TRIM74: variants seen among roughly 807,000 people sequenced by gnomAD.
TRIM74 encodes the protein tripartite motif containing 74, also known as tripartite motif-containing protein 74.
In TRIM74, 3 loss-of-function variants were observed where a neutral mutation model predicts 14.5. The observed-to-expected ratio is 0.21, with a 90% CI of 0.09 to 0.53. The LOEUF is 0.53. TRIM74 is among the 20% of genes least tolerant of loss of function. The pLI is 0.95. For missense variants in TRIM74, 26 were observed against 174.0 expected (o/e 0.15, Z 4.79); for synonymous variants, 10 against 71.3 (o/e 0.14, Z 4.33).
chr7:72,966,346 CAA>C (rs1798271575), intron 1 of TRIM74, among the ~76,000 whole-genome samples, 171 bp from the exon 2 acceptor site: 2 of 136,164 alleles, frequency 1.5e-5, no homozygotes, highest in South Asian at 4.5e-4. Context: ...AGCTGTAAAA[CAA>C]AAGACTGCAG....
downstream of TRIM74, among the ~76,000 whole-genome samples, chr7:72,956,074 G>A (rs1798089513): frequency 7.4e-6 from 1 of 134,766 alleles, no homozygotes; most frequent in South Asian, 2.5e-4. Flanking sequence ...CTGGCCAGGT[G>A]CGGTGGCTCA....
intron 1 of TRIM74, among the ~76,000 whole-genome samples, chr7:72,966,626 A>G (rs1478606710): frequency 2.5e-5 from 2 of 78,598 alleles, no homozygotes; most frequent in East Asian, 5.9e-4. Flanking sequence ...TAGAGATTCT[A>G]GAGGCCCACC....
At chr7:72,966,482 A>G (rs1423942474) in intron 1 of TRIM74, among the ~76,000 whole-genome samples, 1 of 123,894 alleles carries the variant, frequency 8.1e-6, no homozygotes, top group East Asian at 2.2e-4. Flanking sequence ...GGTCATTTGC[A>G]GTGACACTAA....
rs1306834410 is a variant in TRIM74 at position 72,962,680 on chromosome 7, C to CA, written c.400-1236dup. 6.7e-3 allele frequency among the ~76,000 whole-genome samples: 337 copies of CA among 50,030 alleles called. 3 individuals carry two copies. Among genetic ancestry groups the CA allele is most frequent in the African/African-American group, 0.013 (163 of 12,296 alleles). 32.8% of individuals were successfully genotyped at this position (50,030 alleles called of 152,430 possible). On this transcript the variant is annotated intron_variant, in intron 2 of 4. Transcript: ENST00000285805. ...TGGGCGACAGAGCGAGACTCCGTCT[C>CA]AAAAAAAAAAAAAAAAAAAGAGAAT... is the stretch of plus-strand genomic sequence containing the variant.
Position 72,969,403 on chromosome 7 carries a change from TCATGCCCCGCACGCTCTGGTTA to T in TRIM74, c.-159_-138del. Reference sequence around the variant, plus strand: ...CCTAACCCCCCATGTCCGTGCCCCATCATGCCCCGCACGCTCTGGTTACATGCCCCGCCTGGCGCTCCCGCAC... The same window carrying T: ...CCTAACCCCCCATGTCCGTGCCCCATCATGCCCCGCCTGGCGCTCCCGCAC... On this transcript the variant is annotated 5_prime_UTR_variant, in exon 1 of 5. The change abolishes an upstream ATG in the 5' untranslated region. Coordinates refer to ENST00000285805, the MANE Select transcript of TRIM74 (RefSeq NM_198853.3). The T allele has an allele frequency of 3.8e-6, 2 of 529,642 alleles. No homozygotes were observed. Among genetic ancestry groups the T allele is most frequent in the Non-Finnish European group, 6.7e-6 (2 of 299,434 alleles). The allele number at this position is 529,642 out of a possible 1,614,324, so 32.8% of individuals were successfully genotyped here.
chr7:72,955,545 C>T (rs1287872898), downstream of TRIM74, among the ~76,000 whole-genome samples: 2 of 149,710 alleles, frequency 1.3e-5, no homozygotes, highest in African/African-American at 5.0e-5. Context: ...TGCCACTCAC[C>T]CTGCACCAGT....
At chr7:72,955,100 TATATATATA>T, downstream of TRIM74, 1 of 166,948 alleles carries the variant, frequency 6.0e-6, no homozygotes, top group Non-Finnish European at 1.1e-5. Flanking sequence ...TATATATATA[TATATATATA>T]TATTTTTTTT....
intron 1 of TRIM74, among the ~76,000 whole-genome samples, chr7:72,967,248 G>T (rs1301255020): frequency 1.3e-5 from 2 of 148,662 alleles, no homozygotes; most frequent in Admixed American, 6.7e-5. Flanking sequence ...TCCTTTTTTG[G>T]GGGGGGTGGG....
intron 2 of TRIM74, among the ~76,000 whole-genome samples, chr7:72,963,734 C>A (rs1798226484): frequency 6.9e-6 from 1 of 144,666 alleles, no homozygotes; most frequent in South Asian, 2.4e-4. Context: ...AAGCCCAAAT[C>A]TAAAACAGGG....
At chr7:72,960,335 TC>T in intron 3 of TRIM74, 84 bp from the exon 4 acceptor site, 1 of 617,434 alleles carries the variant, frequency 1.6e-6, no homozygotes. Flanking sequence ...CCCAGGGCCT[TC>T]CTGACCGGGT....
At position 72,965,855 on chromosome 7, in the gene TRIM74, C is replaced by G. The variant is rs376925165; in HGVS notation, c.303G>C (p.Glu101Asp). ...HHRNPLSLFC[E>D]KDQELICGLC... ...GGCCACAGATGAGCTCCTGGTCCTT[C>G]TCGCAGAAAAGGCTGAGCGGGTTCC... The change falls in exon 2 of 5, where the codon GAG (glutamate) becomes GAC (aspartate). Residue 101 changes from glutamate (E) to aspartate (D), a missense_variant. By Grantham distance (45) the Glu-to-Asp change is conservative. Coordinates refer to ENST00000285805, the MANE Select transcript of TRIM74 (RefSeq NM_198853.3). 1 of 272,314 alleles carries G rather than the reference C, an allele frequency of 3.7e-6. No individual in the cohort carries two copies. Among genetic ancestry groups the G allele is most frequent in the African/African-American group, 1.4e-4 (1 of 7,118 alleles). The allele number at this position is 272,314 out of a possible 1,614,324, so 16.9% of individuals were successfully genotyped here. A position where few individuals can be genotyped will look rare whatever the true frequency, so the allele number is the denominator to read the frequency against.
downstream of TRIM74, among the ~76,000 whole-genome samples, chr7:72,955,309 C>T (rs1224055734): frequency 7.8e-6 from 1 of 128,578 alleles, no homozygotes; most frequent in East Asian, 2.3e-4. Context: ...GTTGGCCAGG[C>T]TGGCCTCGAA....
downstream of TRIM74, chr7:72,954,917 G>C (rs1554505367): frequency 1.9e-6 from 1 of 536,178 alleles, no homozygotes; most frequent in Non-Finnish European, 3.3e-6. Context: ...GGAATGCGAC[G>C]CTGCGAGCCC....
downstream of TRIM74, among the ~76,000 whole-genome samples, chr7:72,955,200 A>C (rs1798072874): frequency 8.3e-6 from 1 of 121,162 alleles, no homozygotes; most frequent in African/African-American, 3.4e-5. Context: ...AGGTTCAAGC[A>C]ATTCTCCTGC....
At chr7:72,966,384 C>CGTGTGTGTGTGT (rs58047233) in intron 1 of TRIM74, among the ~76,000 whole-genome samples, 5 of 131,462 alleles carry the variant, frequency 3.8e-5, no homozygotes, top group Non-Finnish European at 7.9e-5. Context: ...CTTGAAGATA[C>CGTGTGTGTGTGT]GTGTGTGTGT....
intron 2 of TRIM74, among the ~76,000 whole-genome samples, chr7:72,963,080 ATGCACTTCTCCTGGAC>A (rs1798201565): frequency 7.2e-6 from 1 of 138,944 alleles, no homozygotes; most frequent in Non-Finnish European, 1.6e-5. Flanking sequence ...GCTGACATAA[ATGCACTTCTCCTGGAC>A]TGCCCGGGCC....
In TRIM74 at chr7:72,959,798, G is replaced by C. The variant is rs1166937264; in HGVS notation, c.*84C>G. On this transcript the variant is annotated 3_prime_UTR_variant, in exon 5 of 5. Transcript: ENST00000285805. ...TATAGGCAGCTGCTTGGGAGGCGCT[G>C]GTTAAGCTGAATGGAGGAACCAGTG... The C allele has an allele frequency of 1.2e-6, 1 of 819,894 alleles. No individual in the cohort carries two copies. Among genetic ancestry groups the C allele is most frequent in the Non-Finnish European group, 1.9e-6 (1 of 537,740 alleles). 50.8% of individuals were successfully genotyped at this position (819,894 alleles called of 1,614,324 possible).
downstream of TRIM74, among the ~76,000 whole-genome samples, chr7:72,957,119 C>CA (rs1798107351): frequency 6.9e-6 from 1 of 144,800 alleles, no homozygotes; most frequent in Non-Finnish European, 1.5e-5. Context: ...GACTCTGTCT[C>CA]AAAAAACAAA....
chr7:72,960,059 C>A lies in TRIM74; in HGVS notation c.688G>T (p.Glu230Ter), dbSNP rs781788969. ...ERLAQAECVL[E>*]QFGNEDHHEF... ...TGGTGGTCCTCATTTCCGAACTGTT[C>A]CAGCACACACTCGGCTTGGGCCAGC... The change falls in exon 4 of 5, where the codon GAA (glutamate) becomes TAA (stop). Residue 230 changes from glutamate (E) to a stop codon, truncating the protein, a stop_gained. Transcript: ENST00000285805. LOFTEE classifies it high-confidence loss of function. 6.2e-7 allele frequency: 1 copy of A among 1,611,424 alleles called. No homozygotes were observed. The highest frequency in any genetic ancestry group is 8.5e-7 in the Non-Finnish European group (1 of 1,179,204).
Sources: allele counts gnomAD v4.1 joint callset (sites outside exome capture counted in the v4.1 genomes callset), GRCh38; gene constraint gnomAD v4.1.1; transcripts MANE v1.5; gene names NCBI Gene and HGNC (gene_info 2026-07-23, HGNC 2026-07-21).